DYNC1H1: variants seen among roughly 807,000 people sequenced by gnomAD.
DYNC1H1 encodes the protein cytoplasmic dynein 1 heavy chain 1.
In DYNC1H1, 51 loss-of-function variants were observed where a neutral mutation model predicts 527.1. The observed-to-expected ratio is 0.10, with a 90% confidence interval of 0.08 to 0.12. The LOEUF is 0.12. Among genes scored for constraint, DYNC1H1 ranks in the 10% least tolerant of loss-of-function variants. The probability of loss-of-function intolerance (pLI) is 1.00; values close to 1 mark genes in which losing one functional copy is unlikely to be tolerated. For synonymous variants in DYNC1H1, 2,189 were observed against 2,278.8 expected, an observed-to-expected ratio of 0.96 and a Z score of 1.12; for missense variants, 2,771 against 5,971.8, an observed-to-expected ratio of 0.46 and a Z score of 17.66.
intron 11 of DYNC1H1, among the ~76,000 whole-genome samples, chr14:101,992,313 G>C (rs943345905): frequency 6.6e-6 from 1 of 152,052 alleles, no homozygotes; most frequent in Non-Finnish European, 1.5e-5. Context: ...TTTTTTTTGA[G>C]GTAGTTAATT....
intron 27 of DYNC1H1, 149 bp downstream of exon 27, chr14:102,006,319 C>G: frequency 3.3e-6 from 4 of 1,214,380 alleles, no homozygotes; most frequent in Non-Finnish European, 4.5e-6. Context: ...ACTGCAAGCT[C>G]CACCTCCCGG....
Position 101,986,841 on chromosome 14 carries a change from T to A in DYNC1H1, c.2538+78T>A. On this transcript the variant is annotated intron_variant, in intron 8 of 77. Transcript: ENST00000360184. The surrounding 1 kb of genome is among the most constrained non-coding windows in gnomAD (Gnocchi z 8.7). ...TAGCGAGCTCAGTTAAAACACTAGT[T>A]CTCCCGAAGAAGGCATGCATGGTTG... The A allele has an allele frequency of 2.6e-6, 4 of 1,531,384 alleles. No homozygotes were observed. The highest frequency in any genetic ancestry group is 3.6e-6 in the Non-Finnish European group (4 of 1,107,454). The allele number at this position is 1,531,384 out of a possible 1,614,324, so 94.9% of individuals were successfully genotyped here.
chr14:102,020,598 T>G lies in DYNC1H1; in HGVS notation c.8507+542T>G, dbSNP rs749815133. On this transcript the variant is annotated intron_variant, in intron 42 of 77. Coordinates refer to ENST00000360184, the MANE Select transcript of DYNC1H1 (RefSeq NM_001376.5). This position sits in a 1 kb window ranked among gnomAD's most constrained non-coding sequence, Gnocchi z 4.3. ...TGGGGCACTGGTTTTCTCTTTTACCTGTTGCCCACTTGGATCAATTCTTGT... is the reference window on the plus strand; with the variant it reads ...TGGGGCACTGGTTTTCTCTTTTACCGGTTGCCCACTTGGATCAATTCTTGT... Among the ~76,000 whole-genome samples the G allele has an allele frequency of 6.6e-6, 1 of 152,246 alleles. No individual in the cohort carries two copies. Among genetic ancestry groups the G allele is most frequent in the Non-Finnish European group, 1.5e-5 (1 of 68,048 alleles).
Position 102,027,571 on chromosome 14 carries a change from T to C in DYNC1H1, c.9048+27T>C. 2 of 1,614,200 alleles carry C rather than the reference T, an allele frequency of 1.2e-6. No individual in the cohort carries two copies. Among genetic ancestry groups the C allele is most frequent in the Non-Finnish European group, 1.7e-6 (2 of 1,180,038 alleles). ...TAATTAGGTGACGTGTTGCGTTGCA[T>C]TACGTGTTACCGGGGGACCAGTAAG... is the stretch of plus-strand genomic sequence containing the variant. On this transcript the variant is annotated intron_variant, in intron 46 of 77. Coordinates refer to ENST00000360184, the MANE Select transcript of DYNC1H1 (RefSeq NM_001376.5). This position sits in a 1 kb window ranked among gnomAD's most constrained non-coding sequence, Gnocchi z 7.7.
chr14:102,015,848 C>T lies in DYNC1H1; in HGVS notation c.7243-8C>T. 6.2e-7 allele frequency: 1 copy of T among 1,614,078 alleles called. No individual in the cohort carries two copies. ...AGATAGTTAAGTATCACTCCTTCCA[C>T]TTTCTAGATCCAAAGAGATGCAGCT... On this transcript the variant is annotated splice_region_variant and splice_polypyrimidine_tract_variant and intron_variant, in intron 35 of 77. Transcript: ENST00000360184. This position sits in a 1 kb window ranked among gnomAD's most constrained non-coding sequence, Gnocchi z 6.9.
Position 102,033,849 on chromosome 14 carries a change from G to T in DYNC1H1, c.10414-127G>T. ...TGGGTCTCATCTCCTCTGGGACTGT[G>T]AACAACTTGGGCACGTTTCTAACCC... On this transcript the variant is annotated intron_variant, in intron 54 of 77. Coordinates refer to ENST00000360184, the MANE Select transcript of DYNC1H1 (RefSeq NM_001376.5). The surrounding 1 kb of genome is among the most constrained non-coding windows in gnomAD (Gnocchi z 5.6). 9.9e-7 allele frequency: 1 copy of T among 1,010,108 alleles called. No homozygotes were observed. The highest frequency in any genetic ancestry group is 1.5e-6 in the Non-Finnish European group (1 of 665,670). The allele number at this position is 1,010,108 out of a possible 1,614,324, so 62.6% of individuals were successfully genotyped here. A position where few individuals can be genotyped will look rare whatever the true frequency, so the allele number is the denominator to read the frequency against.
rs17512355 is a variant in DYNC1H1 at position 102,008,563 on chromosome 14, A to G, written c.5977+226A>G. Among the ~76,000 whole-genome samples, 229 of 152,284 alleles carry G rather than the reference A, an allele frequency of 1.5e-3. 1 individual carries two copies. The highest frequency in any genetic ancestry group is 5.2e-3 in the African/African-American group (216 of 41,558). On this transcript the variant is annotated intron_variant, in intron 29 of 77. Transcript: ENST00000360184. ...AGCACTTTGGGAGGCTGAGGCGGAC[A>G]GATCACTTGAGGTCAGGAGTTCAAG...
At chr14:102,014,314 A>G (rs1379105072) in intron 34 of DYNC1H1, among the ~76,000 whole-genome samples, 1 of 152,160 alleles carries the variant, frequency 6.6e-6, no homozygotes, top group Non-Finnish European at 1.5e-5. Flanking sequence ...CAGGTGGATC[A>G]TCTGTGGTTA....
At chr14:101,973,606 C>T (rs540673174) in intron 1 of DYNC1H1, among the ~76,000 whole-genome samples, 5 of 152,148 alleles carry the variant, frequency 3.3e-5, no homozygotes, top group East Asian at 3.9e-4. Flanking sequence ...AGTTTGACAC[C>T]AGCCTGAGCA....
In DYNC1H1 at chr14:102,039,265, T is replaced by C. The variant is rs745475274; in HGVS notation, c.11460+11T>C. ...GAGTCCCTCAAGCAGGTGGGTGCCTTGGCCATGCAGAGACTGGCGGGCCCC... is the reference window on the plus strand; with the variant it reads ...GAGTCCCTCAAGCAGGTGGGTGCCTCGGCCATGCAGAGACTGGCGGGCCCC... On this transcript the variant is annotated intron_variant, in intron 60 of 77. Transcript: ENST00000360184. This position sits in a 1 kb window ranked among gnomAD's most constrained non-coding sequence, Gnocchi z 7.0. 3 of 1,613,208 alleles carry C rather than the reference T, an allele frequency of 1.9e-6. No homozygotes were observed. The highest frequency in any genetic ancestry group is 1.3e-5 in the African/African-American group (1 of 75,020).
rs1045429791 is a variant in DYNC1H1 at position 102,005,367 on chromosome 14, C to T, written c.5433+131C>T. ...AGAACAGTGGATGGTGTATGGATAT[C>T]CTCTGAGGGTGGGCATTTGGCTCCC... On this transcript the variant is annotated intron_variant, in intron 26 of 77. Transcript: ENST00000360184. The surrounding 1 kb of genome is among the most constrained non-coding windows in gnomAD (Gnocchi z 4.0). 3.9e-6 allele frequency: 5 copies of T among 1,279,956 alleles called. No individual in the cohort carries two copies. In the Admixed American group the frequency reaches 5.0e-5, roughly 13 times the overall value. The allele number at this position is 1,279,956 out of a possible 1,614,324, so 79.3% of individuals were successfully genotyped here. A position where few individuals can be genotyped will look rare whatever the true frequency, so the allele number is the denominator to read the frequency against.
At chr14:102,026,520 C>G (rs1595622869) in intron 43 of DYNC1H1, 54 bp from the exon 44 acceptor site, 1 of 1,606,250 alleles carries the variant, frequency 6.2e-7, no homozygotes, top group Admixed American at 1.7e-5. Flanking sequence ...TGACTTTGGT[C>G]TAATAACTAA....
In DYNC1H1 at chr14:102,019,992, A is replaced by C. The variant is rs546021069; in HGVS notation, c.8443A>C (p.Thr2815Pro). ...CTTTGAAGCGCTGAGACCTCTGGAG[A>C]CCCTGCCTGTTGAAGGCCTCATTCG... is the stretch of plus-strand genomic sequence containing the variant. The part of the protein sequence containing the change: ...GIFEALRPLE[T>P]LPVEGLIRIW... Residue 2815 changes from threonine (T) to proline (P), a missense_variant, in exon 42 of 78, where the codon ACC (threonine) becomes CCC (proline). By Grantham distance (38) the Thr-to-Pro change is conservative. This residue lies in a region of DYNC1H1 where 163 missense variants were observed against 346.9 expected (regional missense o/e 0.47). Transcript: ENST00000360184. 1 of 1,614,076 alleles carries C rather than the reference A, an allele frequency of 6.2e-7. No homozygotes were observed. The highest frequency in any genetic ancestry group is 1.7e-5 in the Admixed American group (1 of 60,010).
At chr14:101,975,877 T>A in intron 2 of DYNC1H1, 78 bp downstream of exon 2, 2 of 1,130,390 alleles carry the variant, frequency 1.8e-6, no homozygotes, top group Non-Finnish European at 2.6e-6. Context: ...CTTTTCAAAC[T>A]CAGAAATTCT....
chr14:102,005,135 T>C lies in DYNC1H1; in HGVS notation c.5332T>C (p.Leu1778=). 6.2e-7 allele frequency: 1 copy of C among 1,614,196 alleles called. No homozygotes were observed. The highest frequency in any genetic ancestry group is 1.6e-4 in the Middle Eastern group (1 of 6,062). The part of the protein sequence containing the change: ...SMGGGGDAAP[L]HSVLSNVEVT... ...GGGCGGAGGTGGAGATGCCGCGCCCTTGCACTCTGTGCTGAGCAATGTGGA... is the reference window on the plus strand; with the variant it reads ...GGGCGGAGGTGGAGATGCCGCGCCCCTGCACTCTGTGCTGAGCAATGTGGA... Residue 1778 remains leucine, a synonymous_variant, in exon 26 of 78, where the codon TTG becomes CTG. Transcript: ENST00000360184. The surrounding 1 kb of genome is among the most constrained non-coding windows in gnomAD (Gnocchi z 4.0).
chr14:101,998,410 T>C (rs1484787492), intron 16 of DYNC1H1, among the ~76,000 whole-genome samples: 1 of 152,204 alleles, frequency 6.6e-6, no homozygotes, highest in Non-Finnish European at 1.5e-5. Flanking sequence ...CTCCCCTTTA[T>C]AAATGCTGAT....
chr14:102,000,270 C>G lies in DYNC1H1; in HGVS notation c.3961-16C>G. 2 of 1,614,132 alleles carry G rather than the reference C, an allele frequency of 1.2e-6. No homozygotes were observed. Among genetic ancestry groups the G allele is most frequent in the South Asian group, 1.1e-5 (1 of 91,082 alleles). ...TCTATTTCCAAAGTCAACTGCTTTA[C>G]TATTCTCAATCGCAGGTGGCCTTAG... is the stretch of plus-strand genomic sequence containing the variant. On this transcript the variant is annotated splice_polypyrimidine_tract_variant and intron_variant, in intron 17 of 77. Transcript: ENST00000360184.
At position 102,002,436 on chromosome 14, in the gene DYNC1H1, A is replaced by G. The variant is rs1215065801; in HGVS notation, c.4543-101A>G. ...ACTTGTTGTTTAAAATGTGAATCAG[A>G]TTACTTCATGAGATCCTGATCTGCG... On this transcript the variant is annotated intron_variant, in intron 21 of 77. Coordinates refer to ENST00000360184, the MANE Select transcript of DYNC1H1 (RefSeq NM_001376.5). This position sits in a 1 kb window ranked among gnomAD's most constrained non-coding sequence, Gnocchi z 4.4. 3.4e-6 allele frequency: 5 copies of G among 1,478,884 alleles called. No individual in the cohort carries two copies. The highest frequency in any genetic ancestry group is 1.4e-5 in the African/African-American group (1 of 72,064). 91.6% of individuals were successfully genotyped at this position (1,478,884 alleles called of 1,614,324 possible).
intron 74 of DYNC1H1, 58 bp downstream of exon 74, chr14:102,048,727 A>C: frequency 6.4e-7 from 1 of 1,558,916 alleles, no homozygotes; most frequent in Non-Finnish European, 8.7e-7. Flanking sequence ...GCCAGGGGCC[A>C]CAACCCAGCC....
Sources: gnomAD v4.1 joint callset for allele counts (sites outside exome capture counted in the v4.1 genomes callset) on GRCh38, gnomAD v4.1.1 for gene constraint, gnomAD v4.1.1 regional missense constraint, Gnocchi (gnomAD v3.1) non-coding constraint, MANE v1.5 for transcripts, NCBI Gene and HGNC (gene_info 2026-07-23, HGNC 2026-07-21) for gene names.